ZDHHC22: variants seen among roughly 807,000 people sequenced by gnomAD.
ZDHHC22 encodes the protein palmitoyltransferase ZDHHC22.
A neutral mutation model predicts 17.0 loss-of-function variants in ZDHHC22; 13 were observed. The ratio of observed to expected loss-of-function variants is 0.76; its 90% CI spans 0.50 to 1.21. The LOEUF (loss-of-function observed/expected upper bound fraction) is 1.21. Ranked by LOEUF, ZDHHC22 falls within the 50% of genes most tolerant of loss-of-function variation. ZDHHC22 has a pLI of 0.00. For synonymous variants in ZDHHC22, 138 were observed against 154.7 expected, an observed-to-expected ratio of 0.89 and a Z score of 0.80; for missense variants, 319 against 342.3, an observed-to-expected ratio of 0.93 and a Z score of 0.54.
chr14:77,133,811 C>A lies in ZDHHC22; in HGVS notation c.664G>T (p.Gly222Trp). The change falls in exon 3 of 3, where the codon GGG becomes TGG. Residue 222 changes from glycine (G) to tryptophan (W), a missense_variant. Coordinates refer to ENST00000319374, the MANE Select transcript of ZDHHC22 (RefSeq NM_174976.2). ...RGQTRHQVRKGVAVRARPWRK... is the reference protein window; with the variant it reads ...RGQTRHQVRKWVAVRARPWRK... ...CAGGGCCGGGCCCTCACTGCCACCC[C>A]CTTCCGCACCTGGTGGCGGGTCTGC... 6.2e-7 allele frequency: 1 copy of A among 1,613,988 alleles called. No individual in the cohort carries two copies. Among genetic ancestry groups the A allele is most frequent in the Non-Finnish European group, 8.5e-7 (1 of 1,179,892 alleles).
rs1365458193 is a variant in ZDHHC22 at position 77,140,931 on chromosome 14, G to A, written c.-15+672C>T. On this transcript the variant is annotated intron_variant, in intron 1 of 2. Transcript: ENST00000319374. This position sits in a 1 kb window ranked among gnomAD's most constrained non-coding sequence, Gnocchi z 5.9. ...AGGAATCGGCCAGCCGGAGGCGCGA[G>A]AAAAGTTCTGGGAAGGCGGTTGCAC... The A allele has an allele frequency of 6.6e-6, 1 of 152,206 alleles. No homozygotes were observed. The highest frequency in any genetic ancestry group is 1.5e-5 in the Non-Finnish European group (1 of 68,060). 9.4% of individuals were successfully genotyped at this position (152,206 alleles called of 1,614,324 possible).
intron 2 of ZDHHC22, among the ~76,000 whole-genome samples, chr14:77,134,526 C>A (rs1173661150): frequency 6.6e-6 from 1 of 152,096 alleles, no homozygotes; most frequent in Non-Finnish European, 1.5e-5. Flanking sequence ...CCCAGAACAC[C>A]AACGTAGAGA....
At chr14:77,136,043 C>A (rs1887130200) in intron 2 of ZDHHC22, among the ~76,000 whole-genome samples, 1 of 152,188 alleles carries the variant, frequency 6.6e-6, no homozygotes, top group Non-Finnish European at 1.5e-5. Flanking sequence ...TCTCCCCTGC[C>A]CCTTCCTCCC....
chr14:77,141,248 C>G (rs1015805548), intron 1 of ZDHHC22: 3 of 151,874 alleles, frequency 2.0e-5, no homozygotes, highest in East Asian at 1.9e-4. Context: ...TTCCCGGCGC[C>G]GGTCGCCAGG....
Position 77,133,473 on chromosome 14 carries a change from G to T in ZDHHC22, c.*210C>A. On this transcript the variant is annotated 3_prime_UTR_variant, in exon 3 of 3. Transcript: ENST00000319374. The stretch of plus-strand genomic sequence containing the variant: ...GCTAGCAGCCACCTGGCTGGCTCGT[G>T]AGGAGCCTAGAAATGCCTGGGGGGA... 1 of 657,524 alleles carries T rather than the reference G, an allele frequency of 1.5e-6. No individual in the cohort carries two copies. The highest frequency in any genetic ancestry group is 2.4e-6 in the Non-Finnish European group (1 of 418,722). 40.7% of individuals were successfully genotyped at this position (657,524 alleles called of 1,614,324 possible). A position where few individuals can be genotyped will look rare whatever the true frequency, so the allele number is the denominator to read the frequency against.
At chr14:77,138,920 G>A (rs1887187829) in intron 2 of ZDHHC22, among the ~76,000 whole-genome samples, 1 of 152,308 alleles carries the variant, frequency 6.6e-6, no homozygotes, top group Non-Finnish European at 1.5e-5. Flanking sequence ...ACAGCATGAT[G>A]GATGAGAATG....
rs1221689639 is a variant in ZDHHC22 at position 77,140,869 on chromosome 14, G to C, written c.-15+734C>G. On this transcript the variant is annotated intron_variant, in intron 1 of 2. Coordinates refer to ENST00000319374, the MANE Select transcript of ZDHHC22 (RefSeq NM_174976.2). This position sits in a 1 kb window ranked among gnomAD's most constrained non-coding sequence, Gnocchi z 5.9. ...CAGCTTCGGAAGCCACCGAGAAATA[G>C]GATTCCGTGCGCCCGAGAGAACTTT... 1 of 152,294 alleles carries C rather than the reference G, an allele frequency of 6.6e-6. No homozygotes were observed. The highest frequency in any genetic ancestry group is 1.9e-4 in the East Asian group (1 of 5,198). The allele number at this position is 152,294 out of a possible 1,614,324, so 9.4% of individuals were successfully genotyped here.
Position 77,139,414 on chromosome 14 carries a change from G to T in ZDHHC22, c.325C>A (p.His109Asn). Reference protein sequence around the residue: ...VCARVTLRHDHHCFFTGNCIG... With the variant: ...VCARVTLRHDNHCFFTGNCIG... Reference sequence around the variant, plus strand: ...CAGTTGCCGGTGAAGAAACAGTGATGGTCGTGCCTCAGGGTGACTCTGGCG... The same window carrying T: ...CAGTTGCCGGTGAAGAAACAGTGATTGTCGTGCCTCAGGGTGACTCTGGCG... The change falls in exon 2 of 3, where the codon CAT (histidine) becomes AAT (asparagine). Residue 109 changes from histidine to asparagine, a missense_variant. His to Asn is a moderately conservative substitution (Grantham distance 68). Coordinates refer to ENST00000319374, the MANE Select transcript of ZDHHC22 (RefSeq NM_174976.2). 1 of 1,611,036 alleles carries T rather than the reference G, an allele frequency of 6.2e-7. No individual in the cohort carries two copies. The highest frequency in any genetic ancestry group is 8.5e-7 in the Non-Finnish European group (1 of 1,178,768).
In ZDHHC22 at chr14:77,132,816, T is replaced by TCTCTCACACACACACACACACACA; in HGVS notation, c.*866_*867insTGTGTGTGTGTGTGTGTGTGAGAG. 3.8e-4 allele frequency: 40 copies of TCTCTCACACACACACACACACACA among 104,610 alleles called. 1 individual carries two copies. Among genetic ancestry groups the TCTCTCACACACACACACACACACA allele is most frequent in the African/African-American group, 1.4e-3 (36 of 25,596 alleles). 6.5% of individuals were successfully genotyped at this position (104,610 alleles called of 1,614,324 possible). Reference sequence around the variant, plus strand: ...CCACCCATCTCTCTCTCTCTCTCTCTCACACACACACACACACACACACAC... The same window carrying TCTCTCACACACACACACACACACA: ...CCACCCATCTCTCTCTCTCTCTCTCTCTCTCACACACACACACACACACACACACACACACACACACACACACAC... On this transcript the variant is annotated 3_prime_UTR_variant, in exon 3 of 3. Coordinates refer to ENST00000319374, the MANE Select transcript of ZDHHC22 (RefSeq NM_174976.2).
In ZDHHC22 at chr14:77,139,151, G is replaced by A. The variant is rs190132906; in HGVS notation, c.526+62C>T. The A allele has an allele frequency of 3.6e-5, 54 of 1,498,984 alleles. No individual in the cohort carries two copies. The Admixed American group carries it at 8.2e-4, about 23-fold the overall frequency. 92.9% of individuals were successfully genotyped at this position (1,498,984 alleles called of 1,614,324 possible). ...CTTTTGGGGTTGGGGTTTGGGGCCC[G>A]GCAACCTTTGGGGTGGGAGGTCTTT... is the stretch of plus-strand genomic sequence containing the variant. On this transcript the variant is annotated intron_variant, in intron 2 of 2. Transcript: ENST00000319374.
At position 77,139,471 on chromosome 14, in the gene ZDHHC22, G is replaced by A; in HGVS notation, c.268C>T (p.Pro90Ser). The change falls in exon 2 of 3, where the codon CCC (proline) becomes TCC (serine). Residue 90 changes from proline to serine, a missense_variant. Transcript: ENST00000319374. ...CGGCAGAAGTGGGTGCTAGGTGAGG[G>A]GCATGGAGTCTTCCTGGCCGAGGCC... ...QGASARKTPC[P>S]SPSTHFCRVC... 1 of 1,613,182 alleles carries A rather than the reference G, an allele frequency of 6.2e-7. No homozygotes were observed. The highest frequency in any genetic ancestry group is 8.5e-7 in the Non-Finnish European group (1 of 1,179,642).
intron 2 of ZDHHC22, among the ~76,000 whole-genome samples, chr14:77,136,102 T>C (rs1482634781): frequency 6.6e-6 from 1 of 152,204 alleles, no homozygotes; most frequent in Non-Finnish European, 1.5e-5. Context: ...GCATACTTTT[T>C]AATACATCCA....
chr14:77,137,960 A>AGGAAGGATTAAG (rs1887170699), intron 2 of ZDHHC22, among the ~76,000 whole-genome samples: 1 of 152,204 alleles, frequency 6.6e-6, no homozygotes, highest in Non-Finnish European at 1.5e-5. Context: ...CCTGAGAGGC[A>AGGAAGGATTAAG]GACCAGAGAC....
At chr14:77,136,844 C>T (rs911214047) in intron 2 of ZDHHC22, among the ~76,000 whole-genome samples, 4 of 152,176 alleles carry the variant, frequency 2.6e-5, no homozygotes, top group African/African-American at 9.7e-5. Flanking sequence ...GATCATAGCT[C>T]ACTGCAGCCT....
In ZDHHC22 at chr14:77,133,929, TTCAGAACCCA is replaced by T; in HGVS notation, c.536_545del (p.Leu179GlnfsTer28). ...GGTAGAGCATGAGGATGACGAACAT[TTCAGAACCCA>T]GGACAGCTCCTGCAGGGCACGGGGA... On this transcript the variant is annotated frameshift_variant, in exon 3 of 3. Transcript: ENST00000319374. LOFTEE classifies it high-confidence loss of function. 1 of 1,602,166 alleles carries T rather than the reference TTCAGAACCCA, an allele frequency of 6.2e-7. No individual in the cohort carries two copies. The highest frequency in any genetic ancestry group is 1.1e-5 in the South Asian group (1 of 88,990).
In ZDHHC22 at chr14:77,139,424, C is replaced by T. The variant is rs1418660353; in HGVS notation, c.315G>A (p.Leu105=). 1 of 1,611,992 alleles carries T rather than the reference C, an allele frequency of 6.2e-7. No homozygotes were observed. Among genetic ancestry groups the T allele is most frequent in the Non-Finnish European group, 8.5e-7 (1 of 1,179,204 alleles). The change falls in exon 2 of 3, where the codon CTG becomes CTA. Residue 105 remains leucine (L), a synonymous_variant. Coordinates refer to ENST00000319374, the MANE Select transcript of ZDHHC22 (RefSeq NM_174976.2). The stretch of plus-strand genomic sequence containing the variant: ...TGAAGAAACAGTGATGGTCGTGCCT[C>T]AGGGTGACTCTGGCGCACACTCGGC... The part of the protein sequence containing the change: ...HFCRVCARVT[L]RHDHHCFFTG...
In ZDHHC22 at chr14:77,139,290, G is replaced by C; in HGVS notation, c.449C>G (p.Ala150Gly). 1 of 1,598,302 alleles carries C rather than the reference G, an allele frequency of 6.3e-7. No homozygotes were observed. Among genetic ancestry groups the C allele is most frequent in the Non-Finnish European group, 8.5e-7 (1 of 1,172,772 alleles). ...GTGGGCGAAGGAGATGGAAAGGACA[G>C]CGGAGATGTAGGCCACGCCGGCCAC... ...SMVAGVAYIS[A>G]VLSISFAHPL... Residue 150 changes from alanine (A) to glycine (G), a missense_variant, in exon 2 of 3, where the codon GCT becomes GGT. Physicochemically the swap from Ala to Gly is moderately conservative, Grantham distance 60. Transcript: ENST00000319374.
Position 77,139,409 on chromosome 14 carries a change from G to C in ZDHHC22, c.330C>G (p.His110Gln). Reference protein sequence around the residue: ...CARVTLRHDHHCFFTGNCIGS... With the variant: ...CARVTLRHDHQCFFTGNCIGS... ...CGATGCAGTTGCCGGTGAAGAAACA[G>C]TGATGGTCGTGCCTCAGGGTGACTC... is the stretch of plus-strand genomic sequence containing the variant. The change falls in exon 2 of 3, where the codon CAC becomes CAG. Residue 110 changes from histidine to glutamine, a missense_variant. By Grantham distance (24) the His-to-Gln change is conservative (BLOSUM62 0). Coordinates refer to ENST00000319374, the MANE Select transcript of ZDHHC22 (RefSeq NM_174976.2). The C allele has an allele frequency of 6.2e-7, 1 of 1,610,498 alleles. No individual in the cohort carries two copies. The highest frequency in any genetic ancestry group is 8.5e-7 in the Non-Finnish European group (1 of 1,178,566).
At chr14:77,134,666 T>C (rs1200259339) in intron 2 of ZDHHC22, among the ~76,000 whole-genome samples, 1 of 152,068 alleles carries the variant, frequency 6.6e-6, no homozygotes, top group East Asian at 1.9e-4. Flanking sequence ...TGGGGCAGGA[T>C]CTCCCCAGAA....
Sources: allele counts gnomAD v4.1 joint callset (sites outside exome capture counted in the v4.1 genomes callset), GRCh38; gene constraint gnomAD v4.1.1; non-coding constraint Gnocchi (gnomAD v3.1); transcripts MANE v1.5; gene names NCBI Gene and HGNC (gene_info 2026-07-23, HGNC 2026-07-21).